Variants in JPH3 observed in about 807,000 individuals in gnomAD.
JPH3 encodes junctophilin 3.
In JPH3, 11 loss-of-function variants were observed where a neutral mutation model predicts 59.6. The ratio of observed to expected loss-of-function variants is 0.18; its 90% CI spans 0.12 to 0.31. JPH3 has a LOEUF of 0.31. Ranked by LOEUF, JPH3 falls within the 10% of genes least tolerant of loss-of-function variation. JPH3 has a pLI of 1.00. For missense variants in JPH3, 1,202 were observed against 1,105.7 expected (o/e 1.09, Z -1.24); for synonymous variants, 673 against 483.6 (o/e 1.39, Z -5.14).
intron 1 of JPH3, among the ~76,000 whole-genome samples, chr16:87,638,075 A>G (rs986162004): frequency 6.6e-6 from 1 of 152,100 alleles, no homozygotes; most frequent in Non-Finnish European, 1.5e-5. Context: ...GCCCGCCACC[A>G]TGCCCTGCTA....
At chr16:87,620,328 G>T (rs1374628697) in intron 1 of JPH3, among the ~76,000 whole-genome samples, 1 of 151,090 alleles carries the variant, frequency 6.6e-6, no homozygotes, top group East Asian at 2.0e-4. Context: ...ACCCATAGGG[G>T]CAGGGTCCTG....
At chr16:87,622,140 C>T (rs889308417) in intron 1 of JPH3, among the ~76,000 whole-genome samples, 5 of 152,144 alleles carry the variant, frequency 3.3e-5, no homozygotes, top group African/African-American at 4.8e-5. Flanking sequence ...GCCTCAGAGC[C>T]AGCCGCATGC....
At chr16:87,614,646 G>A (rs527244030) in intron 1 of JPH3, among the ~76,000 whole-genome samples, 69 of 108,586 alleles carry the variant, frequency 6.4e-4, no homozygotes, top group African/African-American at 1.5e-3. Context: ...GCGCCTCCCC[G>A]TCCCAGGATA....
chr16:87,695,373 G>A (rs949914290), intron 4 of JPH3: 2 of 456,150 alleles, frequency 4.4e-6, no homozygotes, highest in Middle Eastern at 6.5e-4. Context: ...TGAGGAATGT[G>A]CATCCTGGGA....
At chr16:87,613,281 A>C (rs1329420571) in intron 1 of JPH3, among the ~76,000 whole-genome samples, 1 of 149,864 alleles carries the variant, frequency 6.7e-6, no homozygotes, top group Non-Finnish European at 1.5e-5. Context: ...TATTTTGTTT[A>C]GTAGAGACGG....
At chr16:87,666,010 C>A (rs1224371102) in intron 2 of JPH3, among the ~76,000 whole-genome samples, 2 of 152,194 alleles carry the variant, frequency 1.3e-5, no homozygotes, top group South Asian at 4.1e-4. Context: ...CCGCTCGATC[C>A]ATGGGGCAGA....
intron 2 of JPH3, among the ~76,000 whole-genome samples, chr16:87,678,698 A>T (rs184950355): frequency 7.0e-4 from 106 of 152,300 alleles, no homozygotes; most frequent in African/African-American, 2.3e-3. Context: ...GGAATTAGTT[A>T]AGGATCTGCA....
At position 87,689,954 on chromosome 16, in the gene JPH3, G is replaced by T. The variant is rs2033520136; in HGVS notation, c.1594G>T (p.Gly532Cys). ...CGGGGACTGCGCCCGCAGCAGCTGG[G>T]GCGAGGAGCAGGCCGGGGGCTCCAG... is the stretch of plus-strand genomic sequence containing the variant. The part of the protein sequence containing the change: ...RAGDCARSSW[G>C]EEQAGGSRGV... The change falls in exon 4 of 5, where the codon GGC becomes TGC. Residue 532 changes from glycine to cysteine, a missense_variant. Physicochemically the swap from Gly to Cys is radical, Grantham distance 159. Coordinates refer to ENST00000284262, the MANE Select transcript of JPH3 (RefSeq NM_020655.4). 1.4e-6 allele frequency: 2 copies of T among 1,450,838 alleles called. No homozygotes were observed. Among genetic ancestry groups the T allele is most frequent in the Non-Finnish European group, 1.8e-6 (2 of 1,105,228 alleles). 89.9% of individuals were successfully genotyped at this position (1,450,838 alleles called of 1,614,324 possible).
In JPH3 at chr16:87,697,784, G is replaced by GTAAC. The variant is rs1439963261; in HGVS notation, c.*1126_*1129dup. 9 of 152,350 alleles carry GTAAC rather than the reference G, an allele frequency of 5.9e-5. No individual in the cohort carries two copies. The highest frequency in any genetic ancestry group is 1.9e-4 in the East Asian group (1 of 5,192). 9.4% of individuals were successfully genotyped at this position (152,350 alleles called of 1,614,324 possible). ...TATCCAGCCCCCTAAAATGTACAAT[G>GTAAC]TAACTTGTTCAGTCCAACAAAAACA... On this transcript the variant is annotated 3_prime_UTR_variant, in exon 5 of 5. Transcript: ENST00000284262.
intron 2 of JPH3, among the ~76,000 whole-genome samples, chr16:87,680,983 G>C (rs1464209979): frequency 1.3e-5 from 2 of 152,224 alleles, no homozygotes; most frequent in Non-Finnish European, 2.9e-5. Context: ...GTGTGGTGGG[G>C]GGCATTGTGG....
intron 4 of JPH3, among the ~76,000 whole-genome samples, chr16:87,690,779 T>G (rs536649931): frequency 1.3e-5 from 2 of 150,698 alleles, no homozygotes; most frequent in South Asian, 4.2e-4. Flanking sequence ...CACACGAAAC[T>G]CCTGGTTTCC....
rs565626607 is a variant in JPH3, at chr16:87,627,897, C to T, written c.383-16361C>T. 4.6e-5 allele frequency among the ~76,000 whole-genome samples: 7 copies of T among 152,346 alleles called. 1 individual carries two copies. The East Asian group carries it at 1.2e-3, about 25-fold the overall frequency. ...GCACCCTGCAGGCCACCCCGCCCCTCGCAGGGGTTTCCACTAACCCTGCTG... is the reference window on the plus strand; with the variant it reads ...GCACCCTGCAGGCCACCCCGCCCCTTGCAGGGGTTTCCACTAACCCTGCTG... On this transcript the variant is annotated intron_variant, in intron 1 of 4. Coordinates refer to ENST00000284262, the MANE Select transcript of JPH3 (RefSeq NM_020655.4).
intron 1 of JPH3, among the ~76,000 whole-genome samples, chr16:87,620,165 G>A (rs1474928966): frequency 1.3e-5 from 2 of 152,108 alleles, no homozygotes; most frequent in Non-Finnish European, 2.9e-5. Flanking sequence ...CCTCAGGCCA[G>A]CAATGGGGAC....
intron 4 of JPH3, chr16:87,695,681 C>T (rs973896757): frequency 1.5e-5 from 7 of 455,192 alleles, no homozygotes; most frequent in Non-Finnish European, 8.8e-6. Context: ...AGGGCAGCAC[C>T]CACCCCTGCC....
intron 4 of JPH3, chr16:87,695,443 G>A (rs1026470616): frequency 4.4e-6 from 2 of 455,984 alleles, no homozygotes; most frequent in African/African-American, 4.0e-5. Context: ...TGCGTGGTAG[G>A]AAGTGGAGGG....
Position 87,604,271 on chromosome 16 carries a change from G to A in JPH3, c.382+743G>A, listed in dbSNP as rs1464290742. ...CCGCATTCGGGGCAGAGCCGGGGCC[G>A]GAAGCCAGGGAGCTGCCTGCTGCTG... On this transcript the variant is annotated intron_variant, in intron 1 of 4. Transcript: ENST00000284262. 6 of 1,458,412 alleles carry A rather than the reference G, an allele frequency of 4.1e-6. No homozygotes were observed. The Admixed American group carries it at 1.3e-4, about 30-fold the overall frequency. 90.3% of individuals were successfully genotyped at this position (1,458,412 alleles called of 1,614,324 possible). A position where few individuals can be genotyped will look rare whatever the true frequency, so the allele number is the denominator to read the frequency against.
chr16:87,682,009 C>G (rs981159060), intron 2 of JPH3, among the ~76,000 whole-genome samples: 1 of 151,908 alleles, frequency 6.6e-6, no homozygotes, highest in South Asian at 2.1e-4. Context: ...ATGCAGAAAA[C>G]TTTGAGTACA....
chr16:87,691,102 C>T (rs1216233748), intron 4 of JPH3, among the ~76,000 whole-genome samples: 1 of 145,586 alleles, frequency 6.9e-6, no homozygotes, highest in Non-Finnish European at 1.5e-5. Flanking sequence ...CCCCCAAATT[C>T]GTTCCTCCAG....
At chr16:87,692,838 C>T (rs951207243) in intron 4 of JPH3, among the ~76,000 whole-genome samples, 10 of 152,342 alleles carry the variant, frequency 6.6e-5, no homozygotes, top group African/African-American at 1.7e-4. Context: ...TCGCCCACAG[C>T]GTCCGTACCT....
Sources: gnomAD v4.1 joint callset for allele counts (sites outside exome capture counted in the v4.1 genomes callset) on GRCh38, gnomAD v4.1.1 for gene constraint, MANE v1.5 for transcripts, NCBI Gene and HGNC (gene_info 2026-07-23, HGNC 2026-07-21) for gene names.